TMPRSS4: variants seen among roughly 807,000 people sequenced by gnomAD.
The protein encoded by TMPRSS4 is transmembrane protease serine 4.
TMPRSS4 carries 45 observed loss-of-function variants against 56.4 expected under a neutral mutation model. The observed-to-expected ratio is 0.80, with a 90% CI of 0.63 to 1.02. TMPRSS4 has a LOEUF of 1.02. TMPRSS4 is among the 50% of genes least tolerant of loss of function. The probability of loss-of-function intolerance (pLI) is 0.00; values close to 1 mark genes in which losing one functional copy is unlikely to be tolerated. For synonymous variants in TMPRSS4, 205 were observed against 211.0 expected, an observed-to-expected ratio of 0.97 and a Z score of 0.25; for missense variants, 546 against 556.7, an observed-to-expected ratio of 0.98 and a Z score of 0.19.
chr11:118,111,699 A>G, intron 7 of TMPRSS4, 42 bp from the exon 8 acceptor site: 1 of 1,511,748 alleles, frequency 6.6e-7, no homozygotes, highest in East Asian at 2.4e-5. Context: ...CATCCCCAAC[A>G]GCCTGACTTC....
At position 118,115,383 on chromosome 11, in the gene TMPRSS4, C is replaced by T. The variant is rs12289175; in HGVS notation, c.1152+103C>T. ...ATGCCCTACAGGAAGCCTTGCATAT[C>T]ATGGGCACTCAATGTGTGATGATGG... On this transcript the variant is annotated intron_variant, in intron 11 of 12. Coordinates refer to ENST00000437212, the MANE Select transcript of TMPRSS4 (RefSeq NM_019894.4). 2.4e-4 allele frequency: 335 copies of T among 1,384,296 alleles called. 2 individuals are homozygous for T. The African/African-American group carries it at 4.4e-3, about 18-fold the overall frequency. 85.8% of individuals were successfully genotyped at this position (1,384,296 alleles called of 1,614,324 possible). A position where few individuals can be genotyped will look rare whatever the true frequency, so the allele number is the denominator to read the frequency against.
intron 8 of TMPRSS4, among the ~76,000 whole-genome samples, 196 bp downstream of exon 8, chr11:118,112,096 G>A (rs1056279027): frequency 1.3e-5 from 2 of 152,100 alleles, no homozygotes; most frequent in African/African-American, 4.8e-5. Flanking sequence ...GAGGGTGCTG[G>A]TCACCAAGCA....
In TMPRSS4 at chr11:118,120,016, C is replaced by G. The variant is rs1947739912; in HGVS notation, c.*2103C>G. On this transcript the variant is annotated 3_prime_UTR_variant, in exon 13 of 13. Transcript: ENST00000437212. Reference sequence around the variant, plus strand: ...AACAACTCTCCATTTCCCCCTCCTCCCAATCTCTGGCAACCACCATTGTGC... The same window carrying G: ...AACAACTCTCCATTTCCCCCTCCTCGCAATCTCTGGCAACCACCATTGTGC... 6.6e-6 allele frequency: 1 copy of G among 152,208 alleles called. No homozygotes were observed. Among genetic ancestry groups the G allele is most frequent in the Non-Finnish European group, 1.5e-5 (1 of 68,050 alleles). 9.4% of individuals were successfully genotyped at this position (152,208 alleles called of 1,614,324 possible).
chr11:118,093,120 A>G (rs1946070075), intron 1 of TMPRSS4, among the ~76,000 whole-genome samples: 1 of 152,170 alleles, frequency 6.6e-6, no homozygotes, highest in African/African-American at 2.4e-5. Flanking sequence ...GTGTTACCCA[A>G]GGGCAAGGCC....
rs546741844 is a variant in TMPRSS4 at position 118,115,746 on chromosome 11, C to T, written c.1152+466C>T. On this transcript the variant is annotated intron_variant, in intron 11 of 12. Coordinates refer to ENST00000437212, the MANE Select transcript of TMPRSS4 (RefSeq NM_019894.4). ...GCTGAGGCAGGAGAATTGCTTGAAC[C>T]CAGGAGGCAGAGGTTGCAGTAAGCT... 3.3e-5 allele frequency among the ~76,000 whole-genome samples: 5 copies of T among 152,260 alleles called. 1 individual carries two copies. The highest frequency in any genetic ancestry group is 1.2e-4 in the African/African-American group (5 of 41,550).
chr11:118,110,606 C>T (rs1256442014), intron 7 of TMPRSS4, among the ~76,000 whole-genome samples: 1 of 152,180 alleles, frequency 6.6e-6, no homozygotes. Flanking sequence ...CTCCTGACCT[C>T]AGGTGATCTG....
At chr11:118,097,861 C>A (rs562783580) in intron 2 of TMPRSS4, among the ~76,000 whole-genome samples, 1 of 152,290 alleles carries the variant, frequency 6.6e-6, no homozygotes, top group South Asian at 2.1e-4. Flanking sequence ...ACCTCCGTCT[C>A]CTGGGTTCAA....
intron 5 of TMPRSS4, chr11:118,106,152 C>T (rs893078762): frequency 1.3e-4 from 20 of 152,220 alleles, no homozygotes; most frequent in African/African-American, 4.8e-4. Context: ...GTTCCTGGCA[C>T]AGCAGGCTGA....
chr11:118,099,798 C>T (rs541608400), intron 3 of TMPRSS4, among the ~76,000 whole-genome samples: 47 of 152,252 alleles, frequency 3.1e-4, no homozygotes, highest in African/African-American at 1.1e-3. Flanking sequence ...GGAAGACCCC[C>T]CAGGCAGTTG....
chr11:118,119,013 T>C lies in TMPRSS4; in HGVS notation c.*1100T>C, dbSNP rs184197350. Reference sequence around the variant, plus strand: ...CTTTTTTGGCATCTGTATGAAAGCTTGGGTTTTCTGAGGACTGTCTTGCTA... The same window carrying C: ...CTTTTTTGGCATCTGTATGAAAGCTCGGGTTTTCTGAGGACTGTCTTGCTA... On this transcript the variant is annotated 3_prime_UTR_variant, in exon 13 of 13. Transcript: ENST00000437212. 1.0e-6 allele frequency: 1 copy of C among 985,452 alleles called. No individual in the cohort carries two copies. The highest frequency in any genetic ancestry group is 1.7e-5 in the African/African-American group (1 of 57,360). 61.0% of individuals were successfully genotyped at this position (985,452 alleles called of 1,614,324 possible). A position where few individuals can be genotyped will look rare whatever the true frequency, so the allele number is the denominator to read the frequency against.
intron 5 of TMPRSS4, chr11:118,106,916 T>A (rs1448657875): frequency 1.3e-5 from 2 of 152,168 alleles, no homozygotes; most frequent in African/African-American, 4.8e-5. Flanking sequence ...ACTCTTAAAA[T>A]GCACTCTAGT....
chr11:118,096,846 G>GGAAAGAAAGAAAGAAA lies in TMPRSS4; in HGVS notation c.43+2041_43+2056dup, dbSNP rs749979292. Reference sequence around the variant, plus strand: ...AAGAGAGAAAGAAAGAAGGAAAGAAGGAAAGAAAGAAAGAAAGAAAGAAAG... The same window carrying GGAAAGAAAGAAAGAAA: ...AAGAGAGAAAGAAAGAAGGAAAGAAGGAAAGAAAGAAAGAAAGAAAGAAAGAAAGAAAGAAAGAAAG... On this transcript the variant is annotated intron_variant, in intron 2 of 12. Coordinates refer to ENST00000437212, the MANE Select transcript of TMPRSS4 (RefSeq NM_019894.4). Among the ~76,000 whole-genome samples, 12 of 36,290 alleles carry GGAAAGAAAGAAAGAAA rather than the reference G, an allele frequency of 3.3e-4. 1 individual carries two copies. The highest frequency in any genetic ancestry group is 8.3e-4 in the South Asian group (1 of 1,210). The allele number at this position is 36,290 out of a possible 152,430, so 23.8% of individuals were successfully genotyped here.
At chr11:118,110,756 C>T (rs1591401748) in intron 7 of TMPRSS4, among the ~76,000 whole-genome samples, 1 of 152,218 alleles carries the variant, frequency 6.6e-6, no homozygotes, top group Admixed American at 6.5e-5. Context: ...AATCTAACGC[C>T]ACCTCTGATC....
At position 118,120,932 on chromosome 11, in the gene TMPRSS4, G is replaced by A. The variant is rs1947771662; in HGVS notation, c.*3019G>A. Reference sequence around the variant, plus strand: ...AAAATTAGAATAAATCCACACCTATGTACATTATAATGAAACTGCAGAACA... The same window carrying A: ...AAAATTAGAATAAATCCACACCTATATACATTATAATGAAACTGCAGAACA... On this transcript the variant is annotated 3_prime_UTR_variant, in exon 13 of 13. Transcript: ENST00000437212. 1 of 152,160 alleles carries A rather than the reference G, an allele frequency of 6.6e-6. No homozygotes were observed. The highest frequency in any genetic ancestry group is 6.5e-5 in the Admixed American group (1 of 15,272). The allele number at this position is 152,160 out of a possible 1,614,324, so 9.4% of individuals were successfully genotyped here. A position where few individuals can be genotyped will look rare whatever the true frequency, so the allele number is the denominator to read the frequency against.
Position 118,115,319 on chromosome 11 carries a change from G to C in TMPRSS4, c.1152+39G>C. The C allele has an allele frequency of 1.9e-6, 3 of 1,605,770 alleles. No homozygotes were observed. In the East Asian group the frequency reaches 6.7e-5, roughly 36 times the overall value. ...GAATCATGGGGAGTTCTAAGAATAG[G>C]GTTTAGGTCCTAGAGAGATGAGAAA... On this transcript the variant is annotated intron_variant, in intron 11 of 12. Coordinates refer to ENST00000437212, the MANE Select transcript of TMPRSS4 (RefSeq NM_019894.4).
chr11:118,110,444 C>A (rs1050364260), intron 7 of TMPRSS4, among the ~76,000 whole-genome samples: 1 of 151,814 alleles, frequency 6.6e-6, no homozygotes, highest in African/African-American at 2.4e-5. Flanking sequence ...TGGATTCAAG[C>A]GATTCTCCTG....
At chr11:118,088,561 C>T (rs566107580) in intron 1 of TMPRSS4, among the ~76,000 whole-genome samples, 2 of 152,370 alleles carry the variant, frequency 1.3e-5, no homozygotes, top group Non-Finnish European at 1.5e-5. Flanking sequence ...GTACTGCACA[C>T]AGCAGGAGCT....
intron 7 of TMPRSS4, among the ~76,000 whole-genome samples, chr11:118,109,555 T>A (rs1244821097): frequency 6.6e-6 from 1 of 152,136 alleles, no homozygotes; most frequent in African/African-American, 2.4e-5. Context: ...TCACCTGACC[T>A]CCCTGAAGTT....
intron 2 of TMPRSS4, among the ~76,000 whole-genome samples, chr11:118,097,732 T>A (rs1459596148): frequency 6.6e-6 from 1 of 152,170 alleles, no homozygotes; most frequent in African/African-American, 2.4e-5. Flanking sequence ...CCCCAGACTC[T>A]TTTGTTCCAA....
Sources: gnomAD v4.1 joint callset for allele counts (sites outside exome capture counted in the v4.1 genomes callset) on GRCh38, gnomAD v4.1.1 for gene constraint, MANE v1.5 for transcripts, NCBI Gene and HGNC (gene_info 2026-07-23, HGNC 2026-07-21) for gene names.